The following TUBB variants were observed in gnomAD, a reference collection of about 807,000 sequenced individuals.
The protein encoded by TUBB is tubulin beta chain.
Under a neutral mutation model 35.1 loss-of-function variants are expected in TUBB, and 2 were observed. The ratio of observed to expected loss-of-function variants is 0.06; its 90% confidence interval spans 0.02 to 0.18. The LOEUF (loss-of-function observed/expected upper bound fraction) is 0.18. Ranked by LOEUF, TUBB falls within the 10% of genes least tolerant of loss-of-function variation. TUBB has a pLI of 1.00. For synonymous variants in TUBB, 205 were observed against 223.8 expected, an observed-to-expected ratio of 0.92 and a Z score of 0.75; for missense variants, 50 against 599.4, an observed-to-expected ratio of 0.08 and a Z score of 9.57.
At chr6:30,720,639 CATTTGCACCCGCTATCCTTAATCAAG>C (rs1776153838) in intron 1 of TUBB, 76 bp downstream of exon 1, 1 of 1,309,814 alleles carries the variant, frequency 7.6e-7, no homozygotes, top group Non-Finnish European at 1.1e-6. Context: ...GGTTGTGGGG[CATTTGCACCCGCTATCCTTAATCAAG>C]ATTTGCCCCT....
In TUBB at chr6:30,722,964, G is replaced by T; in HGVS notation, c.213G>T (p.Gly71=). ...CCATCCTGGTGGATCTAGAACCTGGGACCATGGACTCTGTTCGCTCAGGTC... is the reference window on the plus strand; with the variant it reads ...CCATCCTGGTGGATCTAGAACCTGGTACCATGGACTCTGTTCGCTCAGGTC... ...PRAILVDLEP[G]TMDSVRSGPF... The change falls in exon 3 of 4, where the codon GGG becomes GGT. Residue 71 remains glycine (G), a synonymous_variant. Coordinates refer to ENST00000327892, the MANE Select transcript of TUBB (RefSeq NM_178014.4). 6.2e-7 allele frequency: 1 copy of T among 1,612,902 alleles called. No individual in the cohort carries two copies. The highest frequency in any genetic ancestry group is 2.2e-5 in the East Asian group (1 of 44,880).
chr6:30,721,652 T>C (rs1254032188), intron 1 of TUBB: 2 of 985,368 alleles, frequency 2.0e-6, no homozygotes, highest in Non-Finnish European at 2.4e-6. Context: ...CCCCAGCCTT[T>C]TGTGCGCCGC....
chr6:30,722,876 C>T lies in TUBB; in HGVS notation c.167-42C>T, dbSNP rs1252316890. ...ATTTCCAGTATATCTATAAACCTTC[C>T]CTTCTGCCAGATTTCACAGCTCTTA... On this transcript the variant is annotated intron_variant, in intron 2 of 3. Transcript: ENST00000327892. The T allele has an allele frequency of 4.6e-6, 7 of 1,530,212 alleles. No individual in the cohort carries two copies. In the Admixed American group the frequency reaches 1.2e-4, roughly 26 times the overall value. 94.8% of individuals were successfully genotyped at this position (1,530,212 alleles called of 1,614,324 possible). A position where few individuals can be genotyped will look rare whatever the true frequency, so the allele number is the denominator to read the frequency against.
Position 30,720,450 on chromosome 6 carries a change from A to T in TUBB, c.-57A>T. On this transcript the variant is annotated 5_prime_UTR_variant, in exon 1 of 4. Transcript: ENST00000327892. The stretch of plus-strand genomic sequence containing the variant: ...CTGCGACCTGCGGAGAAAAAAAATT[A>T]CTTATTTTCTTGCCCCATACATACC... 6.4e-7 allele frequency: 1 copy of T among 1,570,136 alleles called. No homozygotes were observed. Among genetic ancestry groups the T allele is most frequent in the East Asian group, 2.2e-5 (1 of 44,652 alleles).
Position 30,720,527 on chromosome 6 carries a change from C to T in TUBB, c.21C>T (p.Ile7=). The T allele has an allele frequency of 1.2e-6, 2 of 1,614,120 alleles. No homozygotes were observed. The highest frequency in any genetic ancestry group is 2.2e-5 in the South Asian group (2 of 91,088). MREIVH[I]QAGQCGNQIG... Reference sequence around the variant, plus strand: ...TAACCATGAGGGAAATCGTGCACATCCAGGCTGGTCAGTGTGGCAACCAGA... The same window carrying T: ...TAACCATGAGGGAAATCGTGCACATTCAGGCTGGTCAGTGTGGCAACCAGA... Residue 7 remains isoleucine, a synonymous_variant, in exon 1 of 4, where the codon ATC becomes ATT. Coordinates refer to ENST00000327892, the MANE Select transcript of TUBB (RefSeq NM_178014.4).
At position 30,724,337 on chromosome 6, in the gene TUBB, C is replaced by T. The variant is rs753677571; in HGVS notation, c.1275C>T (p.Tyr425=). ...ACCTCGTCTCTGAGTATCAGCAGTACCAGGATGCCACCGCAGAAGAGGAGG... is the reference window on the plus strand; with the variant it reads ...ACCTCGTCTCTGAGTATCAGCAGTATCAGGATGCCACCGCAGAAGAGGAGG... The part of the protein sequence containing the change: ...MNDLVSEYQQ[Y]QDATAEEEED... The change falls in exon 4 of 4, where the codon TAC becomes TAT. Residue 425 remains tyrosine, a synonymous_variant. Transcript: ENST00000327892. The surrounding 1 kb of genome is among the most constrained non-coding windows in gnomAD (Gnocchi z 4.4). 3.7e-6 allele frequency: 6 copies of T among 1,612,684 alleles called. No individual in the cohort carries two copies. In the Admixed American group the frequency reaches 5.0e-5, roughly 13 times the overall value.
intron 1 of TUBB, 40 bp from the exon 2 acceptor site, chr6:30,722,497 G>A (rs773812070): frequency 7.2e-7 from 1 of 1,386,780 alleles, no homozygotes; most frequent in Non-Finnish European, 1.0e-6. Flanking sequence ...TAGTTGGCTG[G>A]GACTTGACCT....
At position 30,724,977 on chromosome 6, in the gene TUBB, C is replaced by G. The variant is rs199949106; in HGVS notation, c.*580C>G. 6.5e-6 allele frequency: 1 copy of G among 153,918 alleles called. No individual in the cohort carries two copies. Among genetic ancestry groups the G allele is most frequent in the Non-Finnish European group, 1.4e-5 (1 of 69,384 alleles). 9.5% of individuals were successfully genotyped at this position (153,918 alleles called of 1,614,324 possible). A position where few individuals can be genotyped will look rare whatever the true frequency, so the allele number is the denominator to read the frequency against. On this transcript the variant is annotated 3_prime_UTR_variant, in exon 4 of 4. Transcript: ENST00000327892. This position sits in a 1 kb window ranked among gnomAD's most constrained non-coding sequence, Gnocchi z 4.4. ...TTTCAATCTCCCTCCAAGCTCTACT[C>G]TGGAGGAGTCTGTCCCACTCTGTCA...
chr6:30,720,401 T>G lies in TUBB; in HGVS notation c.-106T>G. Reference sequence around the variant, plus strand: ...GTTTGCACCTCGCTGCTCCAGCCTCTGGGGCGCATTCCAACCTTCCAGCCT... The same window carrying G: ...GTTTGCACCTCGCTGCTCCAGCCTCGGGGGCGCATTCCAACCTTCCAGCCT... On this transcript the variant is annotated 5_prime_UTR_variant, in exon 1 of 4. Coordinates refer to ENST00000327892, the MANE Select transcript of TUBB (RefSeq NM_178014.4). The G allele has an allele frequency of 9.1e-7, 1 of 1,099,892 alleles. No individual in the cohort carries two copies. The highest frequency in any genetic ancestry group is 1.3e-5 in the South Asian group (1 of 78,294). The allele number at this position is 1,099,892 out of a possible 1,614,324, so 68.1% of individuals were successfully genotyped here.
At position 30,722,569 on chromosome 6, in the gene TUBB, C is replaced by T. The variant is rs1398627096; in HGVS notation, c.90C>T (p.Ile30=). 3.1e-6 allele frequency: 5 copies of T among 1,613,972 alleles called. No individual in the cohort carries two copies. Among genetic ancestry groups the T allele is most frequent in the Non-Finnish European group, 3.4e-6 (4 of 1,180,018 alleles). ...FWEVISDEHG[I]DPTGTYHGDS... Reference sequence around the variant, plus strand: ...AGGTGATCAGTGATGAACATGGCATCGACCCCACCGGCACCTACCACGGGG... The same window carrying T: ...AGGTGATCAGTGATGAACATGGCATTGACCCCACCGGCACCTACCACGGGG... The change falls in exon 2 of 4, where the codon ATC becomes ATT. Residue 30 remains isoleucine (I), a synonymous_variant. Coordinates refer to ENST00000327892, the MANE Select transcript of TUBB (RefSeq NM_178014.4).
At position 30,723,422 on chromosome 6, in the gene TUBB, A is replaced by T; in HGVS notation, c.360A>T (p.Val120=). 6.2e-7 allele frequency: 1 copy of T among 1,614,186 alleles called. No homozygotes were observed. ...TGGTTGATTCTGTCCTGGATGTGGTACGGAAGGAGGCAGAGAGCTGTGACT... is the reference window on the plus strand; with the variant it reads ...TGGTTGATTCTGTCCTGGATGTGGTTCGGAAGGAGGCAGAGAGCTGTGACT... ...AELVDSVLDV[V]RKEAESCDCL... is the part of the protein sequence containing the mutation. The change falls in exon 4 of 4, where the codon GTA becomes GTT. Residue 120 remains valine (V), a synonymous_variant. Coordinates refer to ENST00000327892, the MANE Select transcript of TUBB (RefSeq NM_178014.4).
chr6:30,724,706 G>T lies in TUBB; in HGVS notation c.*309G>T. 2.5e-6 allele frequency: 1 copy of T among 396,772 alleles called. No individual in the cohort carries two copies. Among genetic ancestry groups the T allele is most frequent in the African/African-American group, 2.0e-5 (1 of 49,162 alleles). 24.6% of individuals were successfully genotyped at this position (396,772 alleles called of 1,614,324 possible). On this transcript the variant is annotated 3_prime_UTR_variant, in exon 4 of 4. Transcript: ENST00000327892. The surrounding 1 kb of genome is among the most constrained non-coding windows in gnomAD (Gnocchi z 4.4). ...CTCTTAAAAATCTCCAAGAAGCTGG[G>T]TCTCCAGATCCCATTTAGAACCAAC... is the stretch of plus-strand genomic sequence containing the variant.
chr6:30,723,180 C>T, intron 3 of TUBB, 152 bp downstream of exon 3: 1 of 892,776 alleles, frequency 1.1e-6, no homozygotes, highest in Non-Finnish European at 1.7e-6. Context: ...GAGGTAGTGC[C>T]TACTATTGCT....
At chr6:30,722,778 CG>C (rs1776377337) in intron 2 of TUBB, 133 bp downstream of exon 2, 2 of 1,119,158 alleles carry the variant, frequency 1.8e-6, no homozygotes, top group South Asian at 2.9e-5. Context: ...GAACCACCGT[CG>C]GGGCCAAAGA....
rs371782349 is a variant in TUBB at position 30,722,528 on chromosome 6, C to T, written c.58-9C>T. 210 of 1,610,242 alleles carry T rather than the reference C, an allele frequency of 1.3e-4. No individual in the cohort carries two copies. Among genetic ancestry groups the T allele is most frequent in the Non-Finnish European group, 1.7e-4 (200 of 1,176,870 alleles). On this transcript the variant is annotated splice_polypyrimidine_tract_variant and intron_variant, in intron 1 of 3. Transcript: ENST00000327892. ...GACCTGTTGTGGTCTCGTTGCTCCC[C>T]CTCGGCAGTTCTGGGAGGTGATCAG...
At chr6:30,721,050 G>A (rs1776192921) in intron 1 of TUBB, among the ~76,000 whole-genome samples, 1 of 152,254 alleles carries the variant, frequency 6.6e-6, no homozygotes, top group African/African-American at 2.4e-5. Context: ...GCTGCGCTGG[G>A]CGCTACCTTT....
chr6:30,724,523 G>T lies in TUBB; in HGVS notation c.*126G>T, dbSNP rs193275555. 15 of 834,254 alleles carry T rather than the reference G, an allele frequency of 1.8e-5. No homozygotes were observed. The highest frequency in any genetic ancestry group is 8.7e-5 in the African/African-American group (5 of 57,514). The allele number at this position is 834,254 out of a possible 1,614,324, so 51.7% of individuals were successfully genotyped here. A position where few individuals can be genotyped will look rare whatever the true frequency, so the allele number is the denominator to read the frequency against. ...GTTTTTTGTTTTTTCTTCTGGGGGG[G>T]GTCTAGAACAGTGCCTGGCACATAG... On this transcript the variant is annotated 3_prime_UTR_variant, in exon 4 of 4. Transcript: ENST00000327892. The surrounding 1 kb of genome is among the most constrained non-coding windows in gnomAD (Gnocchi z 4.4).
chr6:30,721,624 G>A, intron 1 of TUBB: 1 of 985,464 alleles, frequency 1.0e-6, no homozygotes, highest in Non-Finnish European at 1.2e-6. Flanking sequence ...GACTGCGGCG[G>A]CAGCTCTTTC....
At chr6:30,723,286 A>G (rs1428381248) in intron 3 of TUBB, 54 bp from the exon 4 acceptor site, 16 of 1,379,316 alleles carry the variant, frequency 1.2e-5, no homozygotes, top group Non-Finnish European at 1.5e-5. Context: ...AGATGGAAAC[A>G]TCATGTATCT....
Sources: allele counts gnomAD v4.1 joint callset (sites outside exome capture counted in the v4.1 genomes callset), GRCh38; gene constraint gnomAD v4.1.1; non-coding constraint Gnocchi (gnomAD v3.1); transcripts MANE v1.5; gene names NCBI Gene and HGNC (gene_info 2026-07-23, HGNC 2026-07-21).